Variants in NRXN1 observed in about 807,000 individuals in gnomAD.
NRXN1 encodes neurexin 1, also known as neurexin-1.
In NRXN1, 39 loss-of-function variants were observed where a neutral mutation model predicts 150.9. The observed-to-expected ratio is 0.26, with a 90% CI of 0.20 to 0.34. NRXN1 has a LOEUF of 0.34. Among genes scored for constraint, NRXN1 ranks in the 10% least tolerant of loss-of-function variants. The pLI, the probability that NRXN1 is intolerant of heterozygous loss-of-function variation, is 1.00. For missense variants in NRXN1, 1,815 were observed against 1,949.9 expected (o/e 0.93, Z 1.30); for synonymous variants, 924 against 757.0 (o/e 1.22, Z -3.62).
intron 17 of NRXN1, among the ~76,000 whole-genome samples, chr2:50,448,820 G>A (rs1008621307): frequency 6.6e-6 from 1 of 152,094 alleles, no homozygotes; most frequent in Non-Finnish European, 1.5e-5. Context: ...TCACTGAACA[G>A]AAGCACGTGG....
rs560564290 is a variant in NRXN1 at position 50,505,725 on chromosome 2, T to A, written c.2497+770A>T. Among the ~76,000 whole-genome samples, 52 of 152,310 alleles carry A rather than the reference T, an allele frequency of 3.4e-4. No homozygotes were observed. The South Asian group carries it at 5.0e-3, about 15-fold the overall frequency. Reference sequence around the variant, plus strand: ...GACACAGTTGACTGTTCTCTGGGCATGGGGACCTCCTTCGAATTGAATGAA... The same window carrying A: ...GACACAGTTGACTGTTCTCTGGGCAAGGGGACCTCCTTCGAATTGAATGAA... On this transcript the variant is annotated intron_variant, in intron 13 of 22. Transcript: ENST00000401669.
At chr2:50,133,274 C>T (rs1422849337) in intron 18 of NRXN1, among the ~76,000 whole-genome samples, 4 of 106,386 alleles carry the variant, frequency 3.8e-5, no homozygotes, top group Non-Finnish European at 2.0e-5. Context: ...AAGGGCAGGA[C>T]TGAGTTGGTT....
In NRXN1 at chr2:50,501,634, C is replaced by T. The variant is rs1428073420; in HGVS notation, c.2498-3920G>A. On this transcript the variant is annotated intron_variant, in intron 13 of 22. Transcript: ENST00000401669. ...AATGTTGTTCCATAAAGGACATACACACACAGATTAAAAAAAAAAAACACA... is the reference window on the plus strand; with the variant it reads ...AATGTTGTTCCATAAAGGACATACATACACAGATTAAAAAAAAAAAACACA... Among the ~76,000 whole-genome samples, 13 of 140,106 alleles carry T rather than the reference C, an allele frequency of 9.3e-5. 1 individual carries two copies. Among genetic ancestry groups the T allele is most frequent in the African/African-American group, 3.3e-4 (13 of 39,310 alleles). 91.9% of individuals were successfully genotyped at this position (140,106 alleles called of 152,430 possible).
chr2:50,605,380 A>G (rs1559007212), intron 8 of NRXN1, among the ~76,000 whole-genome samples: 2 of 152,208 alleles, frequency 1.3e-5, no homozygotes, highest in African/African-American at 2.4e-5. Context: ...GAGGGCTTGT[A>G]GAATAAATGA....
At chr2:50,213,200 A>C (rs904213100) in intron 18 of NRXN1, among the ~76,000 whole-genome samples, 1 of 151,928 alleles carries the variant, frequency 6.6e-6, no homozygotes, top group Non-Finnish European at 1.5e-5. Flanking sequence ...TTCATTCAAC[A>C]AATATAAAAT....
intron 18 of NRXN1, among the ~76,000 whole-genome samples, chr2:50,155,738 C>A (rs937732994): frequency 9.2e-5 from 14 of 151,550 alleles, no homozygotes; most frequent in Non-Finnish European, 1.6e-4. Flanking sequence ...AAAACGGAAA[C>A]CTCTGCCTAT....
chr2:50,576,431 C>A (rs886998915), intron 8 of NRXN1, among the ~76,000 whole-genome samples: 4 of 152,046 alleles, frequency 2.6e-5, no homozygotes, highest in African/African-American at 9.7e-5. Context: ...AGTTGCATTT[C>A]AAACTAATAC....
At chr2:50,361,668 G>A (rs760332620) in intron 17 of NRXN1, among the ~76,000 whole-genome samples, 2 of 152,106 alleles carry the variant, frequency 1.3e-5, no homozygotes, top group Non-Finnish European at 2.9e-5. Context: ...TCTACCAGAG[G>A]TACAAAGAGG....
intron 14 of NRXN1, among the ~76,000 whole-genome samples, chr2:50,496,565 G>C (rs2091636415): frequency 6.6e-6 from 1 of 152,154 alleles, no homozygotes; most frequent in Non-Finnish European, 1.5e-5. Context: ...TAATTTACCT[G>C]AAGAGTCTCC....
rs1446302404 is a variant in NRXN1, at chr2:51,029,092, C to T, written c.-819G>A. On this transcript the variant is annotated 5_prime_UTR_variant, in exon 2 of 23. Transcript: ENST00000401669. ...AAATCGCAACAGCTCCTCTTCTTTT[C>T]TCTCTGCCTCTGCAGGGCCAAGCTA... The T allele has an allele frequency of 6.6e-6, 1 of 152,260 alleles. No individual in the cohort carries two copies. Among genetic ancestry groups the T allele is most frequent in the African/African-American group, 2.4e-5 (1 of 41,474 alleles). 9.4% of individuals were successfully genotyped at this position (152,260 alleles called of 1,614,324 possible). A position where few individuals can be genotyped will look rare whatever the true frequency, so the allele number is the denominator to read the frequency against.
At chr2:50,149,977 A>G (rs1477009270) in intron 18 of NRXN1, among the ~76,000 whole-genome samples, 1 of 151,820 alleles carries the variant, frequency 6.6e-6, no homozygotes, top group African/African-American at 2.4e-5. Context: ...GTGGGATTAT[A>G]TAATTCAAAC....
intron 5 of NRXN1, among the ~76,000 whole-genome samples, chr2:50,801,311 G>C (rs1463065360): frequency 6.6e-6 from 1 of 152,088 alleles, no homozygotes; most frequent in Non-Finnish European, 1.5e-5. Context: ...CCTATGACAA[G>C]TAGTATTGGG....
intron 5 of NRXN1, among the ~76,000 whole-genome samples, chr2:50,757,145 G>A (rs576615720): frequency 1.5e-4 from 23 of 151,870 alleles, no homozygotes; most frequent in East Asian, 7.8e-4. Context: ...TCTCAGTTGC[G>A]CAAAGAAGCA....
chr2:50,039,963 C>G (rs899380529), intron 21 of NRXN1, among the ~76,000 whole-genome samples: 6 of 152,028 alleles, frequency 3.9e-5, no homozygotes, highest in African/African-American at 1.4e-4. Context: ...TGATATTTAA[C>G]TCATAAAAAA....
chr2:50,259,180 G>A, intron 17 of NRXN1, among the ~76,000 whole-genome samples: 1 of 151,926 alleles, frequency 6.6e-6, no homozygotes, highest in East Asian at 1.9e-4. Flanking sequence ...GAAAGAAGAA[G>A]ATACCTACAT....
rs182692411 is a variant in NRXN1 at position 50,972,851 on chromosome 2, G to C, written c.773-46896C>G. Among the ~76,000 whole-genome samples, 413 of 152,256 alleles carry C rather than the reference G, an allele frequency of 2.7e-3. 2 individuals carry two copies. The highest frequency in any genetic ancestry group is 4.7e-3 in the Non-Finnish European group (319 of 68,006). On this transcript the variant is annotated intron_variant, in intron 2 of 22. Transcript: ENST00000401669. ...GGCTGTAAATACCTGGTTCTCTGGG[G>C]GTTGGGAACCCCTGACTTACAGGCA...
chr2:50,271,786 T>C (rs1442890688), intron 17 of NRXN1, among the ~76,000 whole-genome samples: 6 of 152,114 alleles, frequency 3.9e-5, no homozygotes, highest in African/African-American at 1.2e-4. Context: ...TGAATAACAG[T>C]ACAATAATGG....
At chr2:50,401,157 T>G (rs1490762419) in intron 17 of NRXN1, among the ~76,000 whole-genome samples, 1 of 152,188 alleles carries the variant, frequency 6.6e-6, no homozygotes, top group African/African-American at 2.4e-5. Flanking sequence ...TACCAAGCGC[T>G]TTGTTTAGGC....
intron 18 of NRXN1, among the ~76,000 whole-genome samples, chr2:50,091,764 G>A (rs943379799): frequency 3.9e-5 from 6 of 152,188 alleles, no homozygotes; most frequent in Admixed American, 2.6e-4. Flanking sequence ...CAGAGAAGGC[G>A]CACAGCTGCC....
Sources: gnomAD v4.1 joint callset for allele counts (sites outside exome capture counted in the v4.1 genomes callset) on GRCh38, gnomAD v4.1.1 for gene constraint, MANE v1.5 for transcripts, NCBI Gene and HGNC (gene_info 2026-07-23, HGNC 2026-07-21) for gene names.